Variants in MATN2 observed in about 807,000 individuals in gnomAD.
MATN2 encodes matrilin 2.
A neutral mutation model predicts 103.2 loss-of-function variants in MATN2; 69 were observed. The ratio of observed to expected loss-of-function variants is 0.67; its 90% confidence interval spans 0.55 to 0.82. The LOEUF (loss-of-function observed/expected upper bound fraction) is 0.82. Ranked by LOEUF, MATN2 falls within the 40% of genes least tolerant of loss-of-function variation. The pLI, the probability that MATN2 is intolerant of heterozygous loss-of-function variation, is 0.00. For synonymous variants in MATN2, 429 were observed against 450.2 expected, an observed-to-expected ratio of 0.95 and a Z score of 0.60; for missense variants, 1,023 against 1,211.5, an observed-to-expected ratio of 0.84 and a Z score of 2.31.
intron 1 of MATN2, among the ~76,000 whole-genome samples, chr8:97,883,443 A>G (rs1286806040): frequency 1.3e-5 from 2 of 151,840 alleles, no homozygotes; most frequent in Admixed American, 6.6e-5. Context: ...GCTGGAGTAC[A>G]GTGGTGTGAT....
intron 1 of MATN2, among the ~76,000 whole-genome samples, chr8:97,872,067 T>C (rs546543370): frequency 1.3e-5 from 2 of 152,360 alleles, no homozygotes; most frequent in South Asian, 4.1e-4. Flanking sequence ...AGTGCCTAGC[T>C]CAGAATAAAT....
At chr8:98,006,567 C>G (rs1812977990) in intron 8 of MATN2, among the ~76,000 whole-genome samples, 1 of 152,202 alleles carries the variant, frequency 6.6e-6, no homozygotes, top group African/African-American at 2.4e-5. Context: ...GATGCCAGAA[C>G]CTGCATTCTA....
rs535372704 is a variant in MATN2 at position 97,971,299 on chromosome 8, C to T, written c.959-7587C>T. ...CATCAGTTCTGTGGGACAATTGGGC[C>T]GGTTTCACTTTGATTCATCCCTGAA... On this transcript the variant is annotated intron_variant, in intron 5 of 18. Coordinates refer to ENST00000254898, the MANE Select transcript of MATN2 (RefSeq NM_002380.5). Among the ~76,000 whole-genome samples, 17 of 152,296 alleles carry T rather than the reference C, an allele frequency of 1.1e-4. No homozygotes were observed. In the South Asian group the frequency reaches 3.1e-3, roughly 28 times the overall value.
intron 2 of MATN2, among the ~76,000 whole-genome samples, chr8:97,892,329 C>T (rs372629617): frequency 1.2e-3 from 168 of 144,744 alleles, no homozygotes; most frequent in African/African-American, 3.9e-3. Flanking sequence ...TGCAGGATCA[C>T]TTGAGCCCCA....
chr8:97,886,427 C>G (rs939237290), intron 1 of MATN2, among the ~76,000 whole-genome samples: 2 of 152,164 alleles, frequency 1.3e-5, no homozygotes, highest in Non-Finnish European at 2.9e-5. Flanking sequence ...GGTTCTGGAA[C>G]TTCACCTCTT....
At chr8:97,871,345 C>T (rs1817890079) in intron 1 of MATN2, among the ~76,000 whole-genome samples, 1 of 152,148 alleles carries the variant, frequency 6.6e-6, no homozygotes, top group Non-Finnish European at 1.5e-5. Flanking sequence ...GCTTAGGCCT[C>T]AGGAAAAGCA....
At chr8:97,883,706 C>T (rs1312793935) in intron 1 of MATN2, among the ~76,000 whole-genome samples, 1 of 152,102 alleles carries the variant, frequency 6.6e-6, no homozygotes, top group Admixed American at 6.5e-5. Flanking sequence ...AGGTGCCCGC[C>T]ACCACACCCG....
At chr8:97,989,617 C>T (rs1812325733) in intron 6 of MATN2, among the ~76,000 whole-genome samples, 1 of 152,094 alleles carries the variant, frequency 6.6e-6, no homozygotes, top group Non-Finnish European at 1.5e-5. Flanking sequence ...ACTCACACCA[C>T]TGCTATTTAA....
At chr8:97,890,334 G>A (rs1256141243) in intron 2 of MATN2, among the ~76,000 whole-genome samples, 7 of 152,040 alleles carry the variant, frequency 4.6e-5, no homozygotes, top group Middle Eastern at 3.2e-3. Context: ...GCATGGTGGC[G>A]GGTGCCTGTA....
At chr8:97,876,405 T>G (rs1818071448) in intron 1 of MATN2, among the ~76,000 whole-genome samples, 1 of 152,000 alleles carries the variant, frequency 6.6e-6, no homozygotes, top group Non-Finnish European at 1.5e-5. Flanking sequence ...GTCAGGCTGG[T>G]CTTGAACTCC....
chr8:98,030,463 T>C lies in MATN2; in HGVS notation c.2358T>C (p.Gly786=), dbSNP rs1468699000. ...SEWASKAKAN[G]ITMYAVGVGK... is the part of the protein sequence containing the mutation. ...CTCTTAATTTTTCCTGCACCCTAGGTATCACTATGTATGCTGTTGGGGTAG... is the reference window on the plus strand; with the variant it reads ...CTCTTAATTTTTCCTGCACCCTAGGCATCACTATGTATGCTGTTGGGGTAG... The change falls in exon 15 of 19, where the codon GGT becomes GGC. Residue 786 remains glycine (G), a splice_region_variant and synonymous_variant. Transcript: ENST00000254898. 3 of 1,612,302 alleles carry C rather than the reference T, an allele frequency of 1.9e-6. No individual in the cohort carries two copies. Among genetic ancestry groups the C allele is most frequent in the Non-Finnish European group, 1.7e-6 (2 of 1,179,214 alleles).
chr8:97,900,738 G>A (rs762603853), intron 2 of MATN2, among the ~76,000 whole-genome samples: 11 of 152,096 alleles, frequency 7.2e-5, no homozygotes, highest in Non-Finnish European at 1.5e-4. Context: ...GATTGAGGCC[G>A]TCCTGGCTAA....
chr8:97,910,361 T>C (rs1157107794), intron 2 of MATN2, among the ~76,000 whole-genome samples: 1 of 152,098 alleles, frequency 6.6e-6, no homozygotes, highest in Non-Finnish European at 1.5e-5. Context: ...CCTGGCCGAT[T>C]TGGTTTTTAA....
intron 5 of MATN2, among the ~76,000 whole-genome samples, chr8:97,968,690 T>C (rs1811560807): frequency 6.6e-6 from 1 of 152,232 alleles, no homozygotes; most frequent in African/African-American, 2.4e-5. Context: ...TGAGATCTCA[T>C]CAGCCTGGCC....
chr8:97,941,227 G>T, intron 3 of MATN2, among the ~76,000 whole-genome samples: 1 of 145,134 alleles, frequency 6.9e-6, no homozygotes. Flanking sequence ...ATCTTAAATT[G>T]AGACATAAAG....
intron 10 of MATN2, among the ~76,000 whole-genome samples, chr8:98,009,741 G>A (rs1020080667): frequency 3.9e-5 from 6 of 152,136 alleles, no homozygotes; most frequent in African/African-American, 9.7e-5. Context: ...GTGGGGGGTC[G>A]GGGAGGGGAT....
At chr8:98,025,663 T>G (rs1813765088) in intron 13 of MATN2, 1 of 364,178 alleles carries the variant, frequency 2.7e-6, no homozygotes, top group African/African-American at 2.2e-5. Context: ...GGAGAATCGC[T>G]TGAACCTGGG....
intron 7 of MATN2, 71 bp from the exon 8 acceptor site, chr8:98,003,589 GC>G: frequency 1.9e-6 from 3 of 1,584,286 alleles, no homozygotes; most frequent in Non-Finnish European, 2.6e-6. Context: ...GCTCATGGGA[GC>G]CCCGAGGGGC....
intron 6 of MATN2, among the ~76,000 whole-genome samples, chr8:97,989,559 T>C (rs1347084152): frequency 1.3e-5 from 2 of 152,136 alleles, no homozygotes; most frequent in East Asian, 3.9e-4. Flanking sequence ...TACTTAATAG[T>C]GAAAGACAAT....
Sources: gnomAD v4.1 joint callset for allele counts (sites outside exome capture counted in the v4.1 genomes callset) on GRCh38, gnomAD v4.1.1 for gene constraint, MANE v1.5 for transcripts, NCBI Gene and HGNC (gene_info 2026-07-23, HGNC 2026-07-21) for gene names.